Variants in ALG5 observed in about 807,000 individuals in gnomAD.
ALG5 encodes the protein dolichyl-phosphate beta-glucosyltransferase.
ALG5 carries 26 observed loss-of-function variants against 51.8 expected under a neutral mutation model. That is an observed-to-expected ratio of 0.50 (90% CI 0.37 to 0.70). The LOEUF (loss-of-function observed/expected upper bound fraction) is 0.70, where lower values mean the gene tolerates loss of function less well. ALG5 is among the 30% of genes least tolerant of loss of function. The pLI is 0.00. For missense variants in ALG5, 311 were observed against 399.3 expected, an observed-to-expected ratio of 0.78 and a Z score of 1.88; for synonymous variants, 141 against 136.1, an observed-to-expected ratio of 1.04 and a Z score of -0.25.
chr13:36,974,876 C>A (rs553368704), intron 6 of ALG5, among the ~76,000 whole-genome samples: 37 of 152,278 alleles, frequency 2.4e-4, no homozygotes, highest in African/African-American at 8.9e-4. Context: ...TTGCCCAATT[C>A]TCTCTTAAAT....
chr13:36,967,408 T>A (rs1290411114), intron 7 of ALG5, among the ~76,000 whole-genome samples: 1 of 152,060 alleles, frequency 6.6e-6, no homozygotes, highest in Non-Finnish European at 1.5e-5. Flanking sequence ...AAGGATTAAA[T>A]GAGATTATTT....
chr13:36,981,699 G>A (rs556027978), intron 6 of ALG5, among the ~76,000 whole-genome samples: 2 of 152,310 alleles, frequency 1.3e-5, no homozygotes, highest in South Asian at 4.1e-4. Flanking sequence ...GGCAATACCT[G>A]TACGAAGTAA....
At chr13:36,980,257 CAG>C (rs1442684291) in intron 6 of ALG5, among the ~76,000 whole-genome samples, 2 of 152,022 alleles carry the variant, frequency 1.3e-5, no homozygotes, top group Non-Finnish European at 2.9e-5. Context: ...TTTTTTGAGA[CAG>C]AGTCTCTCTC....
intron 6 of ALG5, 27 bp downstream of exon 6, chr13:36,985,600 T>C: frequency 6.5e-7 from 1 of 1,549,390 alleles, no homozygotes; most frequent in Non-Finnish European, 8.8e-7. Context: ...TGACTGAATG[T>C]TATTTAAACT....
intron 4 of ALG5, among the ~76,000 whole-genome samples, chr13:36,991,316 T>C (rs868672186): frequency 2.0e-5 from 3 of 150,916 alleles, no homozygotes; most frequent in Non-Finnish European, 4.4e-5. Context: ...AGTATAATTC[T>C]AATAGCAATG....
intron 1 of ALG5, among the ~76,000 whole-genome samples, chr13:36,996,225 G>C (rs1263544732): frequency 6.6e-6 from 1 of 152,158 alleles, no homozygotes; most frequent in Non-Finnish European, 1.5e-5. Context: ...CCTTCCATAT[G>C]CACTTGGGAG....
At chr13:36,971,905 C>A (rs1593668947) in intron 7 of ALG5, 72 bp downstream of exon 7, 1 of 1,196,424 alleles carries the variant, frequency 8.4e-7, no homozygotes, top group Non-Finnish European at 1.2e-6. Context: ...CAGTTTCTTG[C>A]CAGATATATA....
chr13:36,977,779 G>A (rs1217749302), intron 6 of ALG5, among the ~76,000 whole-genome samples: 22 of 93,520 alleles, frequency 2.4e-4, no homozygotes, highest in African/African-American at 1.0e-3. Context: ...GCGACAGAGT[G>A]AGACTGTCTC....
At chr13:36,985,505 TA>T in intron 6 of ALG5, 121 bp downstream of exon 6, 1 of 659,660 alleles carries the variant, frequency 1.5e-6, no homozygotes. Flanking sequence ...GTACCATTTG[TA>T]TAAGGATTTC....
intron 8 of ALG5, among the ~76,000 whole-genome samples, chr13:36,953,458 A>G (rs1238455992): frequency 1.3e-5 from 2 of 152,210 alleles, no homozygotes; most frequent in East Asian, 1.9e-4. Context: ...TCTCACTGGT[A>G]TTAAAGCTCA....
intron 1 of ALG5, among the ~76,000 whole-genome samples, 186 bp from the exon 2 acceptor site, chr13:36,995,782 G>A (rs2059046954): frequency 6.6e-6 from 1 of 152,094 alleles, no homozygotes; most frequent in Admixed American, 6.5e-5. Flanking sequence ...ACTTATGAAC[G>A]AATTACTGTC....
intron 6 of ALG5, among the ~76,000 whole-genome samples, chr13:36,975,340 T>C (rs1295405123): frequency 2.6e-5 from 4 of 152,194 alleles, no homozygotes; most frequent in Non-Finnish European, 5.9e-5. Context: ...TGCTCTACAG[T>C]TTCCTAGGTT....
intron 8 of ALG5, among the ~76,000 whole-genome samples, chr13:36,961,759 C>G (rs1281810874): frequency 6.6e-6 from 1 of 152,112 alleles, no homozygotes; most frequent in Non-Finnish European, 1.5e-5. Context: ...ATACTCAACT[C>G]TGCAGTTCTG....
intron 5 of ALG5, among the ~76,000 whole-genome samples, chr13:36,986,573 T>C (rs1419316597): frequency 1.3e-5 from 2 of 152,174 alleles, no homozygotes; most frequent in Middle Eastern, 3.2e-3. Context: ...TATTCTATGG[T>C]ATAATAAGCT....
chr13:36,965,305 A>AAAGGGAAAAAAAAGGAAGTCT, intron 8 of ALG5, among the ~76,000 whole-genome samples: 1 of 151,552 alleles, frequency 6.6e-6, no homozygotes, highest in East Asian at 2.0e-4. Context: ...TTTTTTCTTC[A>AAAGGGAAAAAAAAGGAAGTCT]AAGGAAAAAA....
intron 1 of ALG5, among the ~76,000 whole-genome samples, chr13:36,997,288 C>G (rs981734928): frequency 6.6e-6 from 1 of 151,928 alleles, no homozygotes; most frequent in Non-Finnish European, 1.5e-5. Context: ...GCCTGGCCAA[C>G]ATGGCGAAAC....
intron 7 of ALG5, among the ~76,000 whole-genome samples, chr13:36,968,429 A>C (rs2058905277): frequency 6.6e-6 from 1 of 152,232 alleles, no homozygotes. Flanking sequence ...AAAACTAAAA[A>C]CATTAAGTAA....
chr13:36,979,940 G>A (rs1361786001), intron 6 of ALG5, among the ~76,000 whole-genome samples: 1 of 152,066 alleles, frequency 6.6e-6, no homozygotes, highest in African/African-American at 2.4e-5. Context: ...TCAGCTACTC[G>A]GGAGGTTGAC....
chr13:36,964,815 CT>C (rs1352130639), intron 8 of ALG5, among the ~76,000 whole-genome samples: 1 of 151,632 alleles, frequency 6.6e-6, no homozygotes, highest in Non-Finnish European at 1.5e-5. Context: ...ATCCCAGCTA[CT>C]TGGGAGGCTG....
Sources: allele counts gnomAD v4.1 joint callset (sites outside exome capture counted in the v4.1 genomes callset), GRCh38; gene constraint gnomAD v4.1.1; transcripts MANE v1.5; gene names NCBI Gene and HGNC (gene_info 2026-07-23, HGNC 2026-07-21).